Variants in APBB2 observed in about 807,000 individuals in gnomAD.
The protein encoded by APBB2 is Fe65-like 1.
APBB2 carries 38 observed loss-of-function variants against 82.5 expected under a neutral mutation model. The observed-to-expected ratio is 0.46, with a 90% CI of 0.36 to 0.60. The LOEUF is 0.60. Among genes scored for constraint, APBB2 ranks in the 20% least tolerant of loss-of-function variants. The pLI, the probability that APBB2 is intolerant of heterozygous loss-of-function variation, is 0.00. For missense variants in APBB2, 772 were observed against 972.3 expected (o/e 0.79, Z 2.74); for synonymous variants, 341 against 368.2 (o/e 0.93, Z 0.85).
chr4:40,878,308 T>C (rs946776698), intron 12 of APBB2, among the ~76,000 whole-genome samples: 1 of 151,792 alleles, frequency 6.6e-6, no homozygotes, highest in Non-Finnish European at 1.5e-5. Flanking sequence ...GCCACTGCAC[T>C]CCACCCTGGA....
In APBB2 at chr4:41,159,966, GAAGAAGAAGAAGA is replaced by G. The variant is rs1560913523; in HGVS notation, c.-416-16837_-416-16825del. Among the ~76,000 whole-genome samples the G allele has an allele frequency of 1.1e-4, 10 of 87,132 alleles. 1 individual carries two copies. The highest frequency in any genetic ancestry group is 3.5e-4 in the African/African-American group (8 of 22,592). 57.2% of individuals were successfully genotyped at this position (87,132 alleles called of 152,430 possible). A position where few individuals can be genotyped will look rare whatever the true frequency, so the allele number is the denominator to read the frequency against. On this transcript the variant is annotated intron_variant, in intron 1 of 17. Transcript: ENST00000508593. ...AGGAGAAGGAGAAGGAGAAGGAGAA[GAAGAAGAAGAAGA>G]AGAAGAAGAAGAAGAAGAAGAAGAA...
chr4:41,150,338 A>G (rs1761926762), intron 1 of APBB2, among the ~76,000 whole-genome samples: 1 of 152,182 alleles, frequency 6.6e-6, no homozygotes, highest in Non-Finnish European at 1.5e-5. Flanking sequence ...ATTAACTTCC[A>G]ACTTAAGATT....
At chr4:40,835,744 G>A (rs1333327342) in intron 12 of APBB2, among the ~76,000 whole-genome samples, 1 of 152,236 alleles carries the variant, frequency 6.6e-6, no homozygotes, top group Non-Finnish European at 1.5e-5. Context: ...AGCCGGCCAA[G>A]GGAAGGGGAC....
At chr4:41,061,107 C>T (rs746295634) in intron 4 of APBB2, among the ~76,000 whole-genome samples, 65 of 152,150 alleles carry the variant, frequency 4.3e-4, no homozygotes, top group African/African-American at 1.6e-3. Flanking sequence ...GTTAAGTTTG[C>T]AGGCAAAGAG....
At chr4:41,012,701 T>G (rs998214626) in intron 6 of APBB2, among the ~76,000 whole-genome samples, 1 of 152,222 alleles carries the variant, frequency 6.6e-6, no homozygotes, top group African/African-American at 2.4e-5. Flanking sequence ...TTCTTTGTTA[T>G]ATCTATATTA....
chr4:41,173,961 T>TA (rs992713029), intron 1 of APBB2, among the ~76,000 whole-genome samples: 4 of 152,174 alleles, frequency 2.6e-5, no homozygotes, highest in Non-Finnish European at 5.9e-5. Context: ...CATGATTACT[T>TA]AAAAAACATG....
At chr4:40,968,393 T>G (rs921077664) in intron 6 of APBB2, among the ~76,000 whole-genome samples, 1 of 152,192 alleles carries the variant, frequency 6.6e-6, no homozygotes, top group Admixed American at 6.5e-5. Flanking sequence ...AGGGCCTCGC[T>G]TGGATTCAAA....
intron 10 of APBB2, among the ~76,000 whole-genome samples, chr4:40,927,406 C>A (rs1166631845): frequency 6.6e-6 from 1 of 152,084 alleles, no homozygotes; most frequent in Non-Finnish European, 1.5e-5. Context: ...ATTTTTCTCA[C>A]CTCTAAAATA....
At chr4:40,860,584 A>C (rs1762521908) in intron 12 of APBB2, among the ~76,000 whole-genome samples, 1 of 152,138 alleles carries the variant, frequency 6.6e-6, no homozygotes, top group African/African-American at 2.4e-5. Context: ...CCCTGTGACA[A>C]ACCACAACCA....
intron 12 of APBB2, among the ~76,000 whole-genome samples, chr4:40,882,458 C>T (rs918107542): frequency 1.3e-5 from 2 of 152,106 alleles, no homozygotes; most frequent in African/African-American, 4.8e-5. Context: ...CTGAAGAAGC[C>T]GTGTGATGAA....
chr4:41,101,470 CAAAAAAAAA>C (rs150527764), intron 2 of APBB2, among the ~76,000 whole-genome samples: 48 of 72,526 alleles, frequency 6.6e-4, no homozygotes, highest in African/African-American at 2.1e-3. Context: ...GACTCCGTCT[CAAAAAAAAA>C]AAAAAAAAAA....
At chr4:40,882,244 C>G (rs1768841197) in intron 12 of APBB2, among the ~76,000 whole-genome samples, 1 of 152,188 alleles carries the variant, frequency 6.6e-6, no homozygotes, top group Admixed American at 6.6e-5. Flanking sequence ...GGGCTCTGAC[C>G]TGCAGGGTTG....
intron 10 of APBB2, among the ~76,000 whole-genome samples, chr4:40,914,041 G>T (rs1779223479): frequency 6.6e-6 from 1 of 152,004 alleles, no homozygotes; most frequent in African/African-American, 2.4e-5. Context: ...TTTGAGACCA[G>T]CCTGGCCAAC....
intron 12 of APBB2, among the ~76,000 whole-genome samples, chr4:40,843,828 C>A (rs375886376): frequency 6.6e-6 from 1 of 152,272 alleles, no homozygotes; most frequent in East Asian, 1.9e-4. Flanking sequence ...TTCAGAGAGG[C>A]TAAGACACTT....
chr4:40,889,469 G>T (rs965991186), intron 12 of APBB2, among the ~76,000 whole-genome samples: 2 of 152,156 alleles, frequency 1.3e-5, no homozygotes, highest in African/African-American at 4.8e-5. Context: ...TCTGTTGTCG[G>T]GGATTTTTAT....
chr4:41,035,762 A>G (rs1718908479), intron 4 of APBB2, among the ~76,000 whole-genome samples: 1 of 152,350 alleles, frequency 6.6e-6, no homozygotes, highest in East Asian at 1.9e-4. Context: ...TCTGTACTGA[A>G]TATGTACAGA....
intron 10 of APBB2, among the ~76,000 whole-genome samples, chr4:40,927,365 C>T: frequency 6.6e-6 from 1 of 152,180 alleles, no homozygotes; most frequent in Non-Finnish European, 1.5e-5. Flanking sequence ...CCACCAAGAA[C>T]TAGTTGTTAT....
intron 6 of APBB2, among the ~76,000 whole-genome samples, chr4:40,957,336 T>C (rs1489698437): frequency 6.6e-6 from 1 of 152,082 alleles, no homozygotes; most frequent in African/African-American, 2.4e-5. Context: ...ATTAAAAAGG[T>C]AATTTGTACT....
chr4:40,971,398 T>A (rs1045891576), intron 6 of APBB2, among the ~76,000 whole-genome samples: 2 of 152,184 alleles, frequency 1.3e-5, no homozygotes, highest in Admixed American at 6.5e-5. Flanking sequence ...AAAACTAAAT[T>A]CTCTACTTAT....
Sources: gnomAD v4.1 joint callset for allele counts (sites outside exome capture counted in the v4.1 genomes callset) on GRCh38, gnomAD v4.1.1 for gene constraint, MANE v1.5 for transcripts, NCBI Gene and HGNC (gene_info 2026-07-23, HGNC 2026-07-21) for gene names.